CSMD1: variants seen among roughly 807,000 people sequenced by gnomAD.
The protein encoded by CSMD1 is CUB and Sushi multiple domains 1.
CSMD1 carries 213 observed loss-of-function variants against 417.5 expected under a neutral mutation model. That is an observed-to-expected ratio of 0.51 (90% CI 0.46 to 0.57). The LOEUF (loss-of-function observed/expected upper bound fraction) is 0.57. Ranked by LOEUF, CSMD1 falls within the 20% of genes least tolerant of loss-of-function variation. The probability of loss-of-function intolerance (pLI) is 0.00; values close to 1 mark genes in which losing one functional copy is unlikely to be tolerated. For missense variants in CSMD1, 6,923 were observed against 4,529.7 expected, an observed-to-expected ratio of 1.53 and a Z score of -15.17; for synonymous variants, 2,862 against 1,736.8, an observed-to-expected ratio of 1.65 and a Z score of -16.11.
intron 3 of CSMD1, among the ~76,000 whole-genome samples, chr8:4,311,051 G>A (rs966800276): frequency 3.3e-5 from 5 of 152,264 alleles, no homozygotes; most frequent in East Asian, 3.9e-4. Flanking sequence ...ACCACTGGTG[G>A]GAGTGTAAAT....
intron 50 of CSMD1, among the ~76,000 whole-genome samples, chr8:3,046,204 C>G (rs73488436): frequency 5.9e-5 from 9 of 152,108 alleles, no homozygotes; most frequent in Admixed American, 4.6e-4. Flanking sequence ...ACAAGGGAAG[C>G]GGAGGTGAGG....
chr8:4,362,239 T>C (rs968306840), intron 3 of CSMD1, among the ~76,000 whole-genome samples: 5 of 152,112 alleles, frequency 3.3e-5, no homozygotes, highest in African/African-American at 1.2e-4. Flanking sequence ...AAAAGACTTG[T>C]TTTTTCCATG....
intron 23 of CSMD1, among the ~76,000 whole-genome samples, chr8:3,335,726 T>C (rs1331862795): frequency 2.0e-5 from 3 of 152,314 alleles, no homozygotes; most frequent in Admixed American, 1.3e-4. Context: ...GGCTTCTGTG[T>C]ATGGAATGTC....
At chr8:3,295,054 A>C (rs541854200) in intron 25 of CSMD1, among the ~76,000 whole-genome samples, 2 of 152,268 alleles carry the variant, frequency 1.3e-5, no homozygotes, top group East Asian at 3.9e-4. Flanking sequence ...TGTGTTTAAG[A>C]GTAGTTACAT....
intron 3 of CSMD1, among the ~76,000 whole-genome samples, chr8:4,294,688 A>G (rs2128869377): frequency 6.6e-6 from 1 of 152,256 alleles, no homozygotes; most frequent in Non-Finnish European, 1.5e-5. Context: ...ATATTCTAAG[A>G]TGACCATCTA....
chr8:3,236,753 A>G (rs932793487), intron 26 of CSMD1, among the ~76,000 whole-genome samples: 3 of 152,100 alleles, frequency 2.0e-5, no homozygotes, highest in Non-Finnish European at 2.9e-5. Flanking sequence ...TTTTCTGCAA[A>G]TTGGATTTTT....
chr8:4,029,172 G>A (rs888952318), intron 4 of CSMD1, among the ~76,000 whole-genome samples: 1 of 152,096 alleles, frequency 6.6e-6, no homozygotes, highest in Non-Finnish European at 1.5e-5. Context: ...ATAAACATTG[G>A]CATCAAATCT....
intron 12 of CSMD1, among the ~76,000 whole-genome samples, chr8:3,435,322 G>A (rs573170873): frequency 1.3e-5 from 2 of 152,288 alleles, no homozygotes; most frequent in South Asian, 4.1e-4. Flanking sequence ...GCATGGGGCA[G>A]AGGGGCTGAA....
At chr8:4,825,648 C>A (rs1799783496) in intron 1 of CSMD1, among the ~76,000 whole-genome samples, 1 of 151,914 alleles carries the variant, frequency 6.6e-6, no homozygotes, top group African/African-American at 2.4e-5. Context: ...TAAAAAGCTT[C>A]TGCACAGCAA....
At chr8:4,799,261 G>A (rs941733922) in intron 1 of CSMD1, among the ~76,000 whole-genome samples, 7 of 152,096 alleles carry the variant, frequency 4.6e-5, no homozygotes, top group African/African-American at 1.7e-4. Context: ...TAGCTCACCA[G>A]TTCATAAAAG....
chr8:4,820,306 G>C (rs748928013), intron 1 of CSMD1, among the ~76,000 whole-genome samples: 3 of 152,162 alleles, frequency 2.0e-5, no homozygotes, highest in South Asian at 4.1e-4. Context: ...CAGTTAGTGC[G>C]CCATAGAAGC....
At chr8:4,806,463 C>A (rs28590213) in intron 1 of CSMD1, among the ~76,000 whole-genome samples, 2 of 152,194 alleles carry the variant, frequency 1.3e-5, no homozygotes, top group Non-Finnish European at 2.9e-5. Context: ...CTGCTTCCCA[C>A]GCCCATCTGT....
intron 26 of CSMD1, among the ~76,000 whole-genome samples, chr8:3,282,498 C>A (rs759559971): frequency 1.3e-5 from 2 of 152,224 alleles, no homozygotes; most frequent in African/African-American, 4.8e-5. Flanking sequence ...ACAATTCTAC[C>A]ATCTGCTCTT....
intron 10 of CSMD1, among the ~76,000 whole-genome samples, chr8:3,561,222 T>G (rs11997492): frequency 1.3e-5 from 2 of 152,030 alleles, no homozygotes; most frequent in Admixed American, 6.5e-5. Flanking sequence ...GAAAACAGTA[T>G]GGAAGTTTCT....
intron 1 of CSMD1, among the ~76,000 whole-genome samples, chr8:4,640,862 TAAA>T (rs58055126): frequency 0.025 from 3,272 of 129,680 alleles, 120 homozygotes; most frequent in African/African-American, 0.084. Flanking sequence ...TAATTATTGC[TAAA>T]AAAAAAAAAA....
intron 7 of CSMD1, among the ~76,000 whole-genome samples, chr8:3,667,175 A>C (rs1463476895): frequency 6.6e-6 from 1 of 152,156 alleles, no homozygotes; most frequent in African/African-American, 2.4e-5. Context: ...TCACATTCTA[A>C]TGATAAGACA....
At chr8:4,439,574 C>T (rs978490853) in intron 2 of CSMD1, among the ~76,000 whole-genome samples, 32 of 152,032 alleles carry the variant, frequency 2.1e-4, no homozygotes, top group Admixed American at 9.8e-4. Flanking sequence ...GCTGAAAATA[C>T]ATATTTCTTT....
At chr8:3,920,531 A>G (rs1190839850) in intron 5 of CSMD1, among the ~76,000 whole-genome samples, 1 of 152,118 alleles carries the variant, frequency 6.6e-6, no homozygotes, top group Non-Finnish European at 1.5e-5. Flanking sequence ...TACGTTTGGC[A>G]CGAGTAGGCA....
chr8:4,740,520 C>T (rs1338184958), intron 1 of CSMD1, among the ~76,000 whole-genome samples: 1 of 152,084 alleles, frequency 6.6e-6, no homozygotes, highest in Non-Finnish European at 1.5e-5. Flanking sequence ...TTCTTTCTGT[C>T]TTCAAATATG....
Sources: allele counts gnomAD v4.1 joint callset (sites outside exome capture counted in the v4.1 genomes callset), GRCh38; gene constraint gnomAD v4.1.1; transcripts MANE v1.5; gene names NCBI Gene and HGNC (gene_info 2026-07-23, HGNC 2026-07-21).